ARHGAP23: variants seen among roughly 807,000 people sequenced by gnomAD.
ARHGAP23 encodes Rho GTPase activating protein 23.
Under a neutral mutation model 136.3 loss-of-function variants are expected in ARHGAP23, and 34 were observed. The ratio of observed to expected loss-of-function variants is 0.25; its 90% CI spans 0.19 to 0.33. The LOEUF is 0.33. ARHGAP23 is among the 10% of genes least tolerant of loss of function. ARHGAP23 has a pLI of 1.00. For missense variants in ARHGAP23, 1,808 were observed against 2,139.0 expected (o/e 0.85, Z 3.05); for synonymous variants, 832 against 920.5 (o/e 0.90, Z 1.74).
Position 38,466,996 on chromosome 17 carries a change from T to G in ARHGAP23, c.1313T>G (p.Phe438Cys). ...RRTGLLHALS[F>C]RDSPFGGLPT... ...ACCGGCCTCCTCCATGCGCTCTCCT[T>G]CCGGGACTCACCCTTTGGGGGGCTG... Residue 438 changes from phenylalanine to cysteine, a missense_variant, in exon 7 of 24, where the codon TTC (phenylalanine) becomes TGC (cysteine). By Grantham distance (205) the Phe-to-Cys change is radical (BLOSUM62 -2). This residue lies in a region of ARHGAP23 where 859 missense variants were observed against 936.4 expected (regional missense o/e 0.92). Coordinates refer to ENST00000622683, the MANE Select transcript of ARHGAP23 (RefSeq NM_001199417.2). The G allele has an allele frequency of 6.4e-7, 1 of 1,550,650 alleles. No homozygotes were observed. The highest frequency in any genetic ancestry group is 1.7e-4 in the Middle Eastern group (1 of 5,992).
chr17:38,477,658 G>C lies in ARHGAP23; in HGVS notation c.2198G>C (p.Arg733Pro). 2 of 1,275,534 alleles carry C rather than the reference G, an allele frequency of 1.6e-6. No homozygotes were observed. 79.0% of individuals were successfully genotyped at this position (1,275,534 alleles called of 1,614,324 possible). A position where few individuals can be genotyped will look rare whatever the true frequency, so the allele number is the denominator to read the frequency against. ...RARSLSLSKE[R>P]REPGPAAAGA... ...CGCTCGCTCTCGCTGAGCAAGGAGC[G>C]GCGGGAGCCCGGGCCGGCGGCGGCG... The change falls in exon 12 of 24, where the codon CGG becomes CCG. Residue 733 changes from arginine (R) to proline (P), a missense_variant. By Grantham distance (103) the Arg-to-Pro change is moderately radical (BLOSUM62 -2). This residue lies in a region of ARHGAP23 where 139 missense variants were observed against 264.3 expected (regional missense o/e 0.53). Transcript: ENST00000622683. The surrounding 1 kb of genome is among the most constrained non-coding windows in gnomAD (Gnocchi z 6.6).
intron 23 of ARHGAP23, among the ~76,000 whole-genome samples, chr17:38,507,229 G>A (rs1360981460): frequency 6.6e-6 from 1 of 151,116 alleles, no homozygotes; most frequent in East Asian, 1.9e-4. Context: ...AACCGAGATT[G>A]CGCCACCTAC....
At position 38,479,840 on chromosome 17, in the gene ARHGAP23, G is replaced by A. The variant is rs1410707821; in HGVS notation, c.2586G>A (p.Ala862=). 34 of 1,545,022 alleles carry A rather than the reference G, an allele frequency of 2.2e-5. No individual in the cohort carries two copies. Among genetic ancestry groups the A allele is most frequent in the Middle Eastern group, 2.3e-4 (1 of 4,354 alleles). The stretch of plus-strand genomic sequence containing the variant: ...AGTCTGAGTTCCTCAAGCAGAGTGC[G>A]GCACGTGGCCTCAGGACTCAGGACC... ...GLKSEFLKQS[A]ARGLRTQDLP... Residue 862 remains alanine (A), a synonymous_variant, in exon 14 of 24, where the codon GCG becomes GCA. Transcript: ENST00000622683.
At chr17:38,450,198 G>T (rs996200080) in intron 1 of ARHGAP23, among the ~76,000 whole-genome samples, 4 of 152,154 alleles carry the variant, frequency 2.6e-5, no homozygotes, top group African/African-American at 9.7e-5. Flanking sequence ...ATCCCTAAAG[G>T]TTTCAGGAGC....
At chr17:38,481,693 A>G (rs2144718139) in intron 14 of ARHGAP23, among the ~76,000 whole-genome samples, 1 of 152,264 alleles carries the variant, frequency 6.6e-6, no homozygotes, top group Non-Finnish European at 1.5e-5. Flanking sequence ...CAGGAATTTG[A>G]GGCTGCATTG....
intron 1 of ARHGAP23, among the ~76,000 whole-genome samples, chr17:38,430,194 G>A (rs974822354): frequency 2.6e-5 from 4 of 152,112 alleles, no homozygotes; most frequent in African/African-American, 9.7e-5. Flanking sequence ...GGCAGGGTAG[G>A]TGTTGGTGTC....
intron 11 of ARHGAP23, among the ~76,000 whole-genome samples, chr17:38,472,628 A>G (rs1275668485): frequency 1.3e-5 from 2 of 152,172 alleles, no homozygotes; most frequent in Admixed American, 1.3e-4. Flanking sequence ...GGAGAAGGGC[A>G]GGGCCCCTGG....
chr17:38,500,594 C>T lies in ARHGAP23; in HGVS notation c.3416-3C>T. On this transcript the variant is annotated splice_polypyrimidine_tract_variant and splice_region_variant and intron_variant, in intron 22 of 23. Transcript: ENST00000622683. ...CATTTTTTTTTCTGTCTTTCACCAA[C>T]AGATTCTACCACCTGTAGTTCAGCC... The T allele has an allele frequency of 6.5e-7, 1 of 1,549,038 alleles. No homozygotes were observed.
intron 1 of ARHGAP23, among the ~76,000 whole-genome samples, chr17:38,433,925 G>C (rs572326826): frequency 6.6e-6 from 1 of 152,076 alleles, no homozygotes; most frequent in Admixed American, 6.5e-5. Context: ...CATCATCCTC[G>C]TGCCTCAGTC....
At chr17:38,464,628 A>G (rs902822981) in intron 6 of ARHGAP23, among the ~76,000 whole-genome samples, 11 of 152,164 alleles carry the variant, frequency 7.2e-5, no homozygotes, top group African/African-American at 2.7e-4. Flanking sequence ...CCCAAGTCTC[A>G]AGGCCCTGCC....
intron 21 of ARHGAP23, 75 bp from the exon 22 acceptor site, chr17:38,498,339 C>G: frequency 8.2e-7 from 1 of 1,212,792 alleles, no homozygotes; most frequent in Non-Finnish European, 1.1e-6. Flanking sequence ...GCTCTGTCAT[C>G]AGGGCACCCC....
chr17:38,470,189 C>T (rs1050021770), intron 10 of ARHGAP23, among the ~76,000 whole-genome samples: 1 of 152,292 alleles, frequency 6.6e-6, no homozygotes, highest in Non-Finnish European at 1.5e-5. Flanking sequence ...CCCCTGTCTT[C>T]GCGGCTTTTT....
At chr17:38,474,135 G>C (rs2039833316) in intron 11 of ARHGAP23, among the ~76,000 whole-genome samples, 1 of 152,158 alleles carries the variant, frequency 6.6e-6, no homozygotes, top group Non-Finnish European at 1.5e-5. Context: ...TGGCCAGGCT[G>C]GTCTTGAACT....
At chr17:38,419,800 G>A (rs1187600384) in intron 1 of ARHGAP23, among the ~76,000 whole-genome samples, 2 of 152,058 alleles carry the variant, frequency 1.3e-5, no homozygotes, top group African/African-American at 4.8e-5. Flanking sequence ...GAGTGGGTGG[G>A]CTCTGTGCCA....
chr17:38,459,663 C>G (rs1385866937), intron 2 of ARHGAP23, among the ~76,000 whole-genome samples: 1 of 152,234 alleles, frequency 6.6e-6, no homozygotes, highest in Non-Finnish European at 1.5e-5. Context: ...AAGCCAGGGA[C>G]AGGCTGCCTC....
Position 38,510,406 on chromosome 17 carries a change from C to T in ARHGAP23, c.3910C>T (p.Arg1304Trp), listed in dbSNP as rs2040731640. ...GGGGCCTGGGGGGCGCCTGACACGC[C>T]GGCCGTCCTTCAGCTCGCACCACCT... ...GAGPGGRLTRRPSFSSHHLMP... is the reference protein window; with the variant it reads ...GAGPGGRLTRWPSFSSHHLMP... The change falls in exon 24 of 24, where the codon CGG (arginine) becomes TGG (tryptophan). Residue 1304 changes from arginine (R) to tryptophan (W), a missense_variant. Arg to Trp is a moderately radical substitution (Grantham distance 101). Around this residue, in one of 7 missense-constraint regions of ARHGAP23, gnomAD observed 506 missense variants for 455.8 expected, o/e 1.11. Transcript: ENST00000622683. This position sits in a 1 kb window ranked among gnomAD's most constrained non-coding sequence, Gnocchi z 4.6. 2 of 1,239,970 alleles carry T rather than the reference C, an allele frequency of 1.6e-6. No individual in the cohort carries two copies. The highest frequency in any genetic ancestry group is 2.0e-6 in the Non-Finnish European group (2 of 993,352). 76.8% of individuals were successfully genotyped at this position (1,239,970 alleles called of 1,614,324 possible).
intron 23 of ARHGAP23, among the ~76,000 whole-genome samples, chr17:38,502,111 C>T (rs1442203350): frequency 6.6e-6 from 1 of 152,156 alleles, no homozygotes; most frequent in African/African-American, 2.4e-5. Flanking sequence ...AAAGACCAGC[C>T]TGGCCAACAT....
chr17:38,501,232 G>A (rs1218247453), intron 23 of ARHGAP23: 1 of 151,980 alleles, frequency 6.6e-6, no homozygotes, highest in Admixed American at 6.6e-5. Context: ...AAAGAAAGAT[G>A]GCACAGATTA....
intron 14 of ARHGAP23, among the ~76,000 whole-genome samples, chr17:38,481,147 T>A (rs1222981480): frequency 2.6e-5 from 4 of 151,280 alleles, no homozygotes; most frequent in Non-Finnish European, 5.9e-5. Context: ...GGCTAATTTT[T>A]TTTTTTTATT....
Sources: allele counts gnomAD v4.1 joint callset (sites outside exome capture counted in the v4.1 genomes callset), GRCh38; gene constraint gnomAD v4.1.1; regional missense constraint gnomAD v4.1.1; non-coding constraint Gnocchi (gnomAD v3.1); transcripts MANE v1.5; gene names NCBI Gene and HGNC (gene_info 2026-07-23, HGNC 2026-07-21).